Variants in ADAMTSL3 observed in about 807,000 individuals in gnomAD.
ADAMTSL3 encodes ADAMTS-like protein 3.
ADAMTSL3 carries 128 observed loss-of-function variants against 201.7 expected under a neutral mutation model. That is an observed-to-expected ratio of 0.63 (90% confidence interval 0.55 to 0.73). The LOEUF (loss-of-function observed/expected upper bound fraction) is 0.73, where lower values mean the gene tolerates loss of function less well. Ranked by LOEUF, ADAMTSL3 falls within the 30% of genes least tolerant of loss-of-function variation. ADAMTSL3 has a pLI of 0.00. For missense variants in ADAMTSL3, 1,990 were observed against 2,119.6 expected (o/e 0.94, Z 1.20); for synonymous variants, 738 against 748.4 (o/e 0.99, Z 0.23).
At chr15:83,717,610 T>TA (rs1288639124) in intron 3 of ADAMTSL3, 1 of 152,234 alleles carries the variant, frequency 6.6e-6, no homozygotes, top group Admixed American at 6.5e-5. Context: ...ATACCTATCT[T>TA]ACACATTTGG....
chr15:83,912,636 C>G (rs1401590849), intron 15 of ADAMTSL3, among the ~76,000 whole-genome samples: 1 of 152,128 alleles, frequency 6.6e-6, no homozygotes, highest in Non-Finnish European at 1.5e-5. Flanking sequence ...TTAAGATACC[C>G]TAAAATTTAG....
At chr15:83,964,294 T>A (rs561826492) in intron 19 of ADAMTSL3, among the ~76,000 whole-genome samples, 2 of 152,112 alleles carry the variant, frequency 1.3e-5, no homozygotes, top group Admixed American at 1.3e-4. Context: ...GTTAGAGGAA[T>A]TGCTAACTAG....
At chr15:83,967,102 C>T (rs955470132) in intron 19 of ADAMTSL3, among the ~76,000 whole-genome samples, 4 of 152,126 alleles carry the variant, frequency 2.6e-5, no homozygotes, top group Non-Finnish European at 5.9e-5. Flanking sequence ...GGAAGCATTC[C>T]CTTTGAAAAC....
At chr15:83,711,040 A>G (rs2061926703) in intron 3 of ADAMTSL3, among the ~76,000 whole-genome samples, 1 of 152,228 alleles carries the variant, frequency 6.6e-6, no homozygotes, top group Admixed American at 6.5e-5. Flanking sequence ...TATATTAATA[A>G]TGAAGTCTGT....
At chr15:83,946,991 T>C (rs896610391) in intron 19 of ADAMTSL3, among the ~76,000 whole-genome samples, 32 of 152,312 alleles carry the variant, frequency 2.1e-4, no homozygotes, top group African/African-American at 7.7e-4. Flanking sequence ...CAAAAGCCAT[T>C]GGTGAGGCTT....
At chr15:83,857,682 T>C (rs1341103307) in intron 7 of ADAMTSL3, among the ~76,000 whole-genome samples, 1 of 152,236 alleles carries the variant, frequency 6.6e-6, no homozygotes, top group Non-Finnish European at 1.5e-5. Context: ...TTTGTATTTT[T>C]GTTTATCTAC....
At chr15:84,036,167 CT>C (rs1438308017) in intron 28 of ADAMTSL3, among the ~76,000 whole-genome samples, 1 of 152,102 alleles carries the variant, frequency 6.6e-6, no homozygotes, top group Non-Finnish European at 1.5e-5. Flanking sequence ...TAGCATGTGT[CT>C]TTTCAAAAAT....
At chr15:83,918,546 A>C (rs1356131794) in intron 16 of ADAMTSL3, among the ~76,000 whole-genome samples, 1 of 152,230 alleles carries the variant, frequency 6.6e-6, no homozygotes, top group Non-Finnish European at 1.5e-5. Context: ...GATAATTTCC[A>C]GCAGAAAGAG....
intron 9 of ADAMTSL3, among the ~76,000 whole-genome samples, chr15:83,877,516 A>G (rs1046315245): frequency 3.9e-5 from 6 of 152,222 alleles, no homozygotes; most frequent in African/African-American, 1.2e-4. Flanking sequence ...TAGCATTAAA[A>G]TAAGTCTTGA....
At chr15:83,978,349 A>G (rs184273665) in intron 20 of ADAMTSL3, among the ~76,000 whole-genome samples, 2 of 152,114 alleles carry the variant, frequency 1.3e-5, no homozygotes, top group East Asian at 1.9e-4. Context: ...AGCTCATTTC[A>G]TTTTCTAGAA....
chr15:83,904,548 C>T (rs764001575), intron 15 of ADAMTSL3, among the ~76,000 whole-genome samples: 19 of 152,032 alleles, frequency 1.2e-4, no homozygotes, highest in Non-Finnish European at 2.1e-4. Context: ...ACATAGGGAG[C>T]GGATGTTCAA....
At chr15:83,753,198 A>G (rs1329986070) in intron 3 of ADAMTSL3, among the ~76,000 whole-genome samples, 1 of 152,220 alleles carries the variant, frequency 6.6e-6, no homozygotes, top group African/African-American at 2.4e-5. Flanking sequence ...GCAGTCATCT[A>G]CATGAGGCCA....
At chr15:83,938,494 T>A (rs1200220979) in intron 17 of ADAMTSL3, among the ~76,000 whole-genome samples, 1 of 152,220 alleles carries the variant, frequency 6.6e-6, no homozygotes, top group Non-Finnish European at 1.5e-5. Context: ...AAGGGCAGAT[T>A]TTATGTTATG....
At chr15:83,749,072 A>G (rs941725858) in intron 3 of ADAMTSL3, among the ~76,000 whole-genome samples, 2 of 152,226 alleles carry the variant, frequency 1.3e-5, no homozygotes, top group Admixed American at 6.5e-5. Flanking sequence ...ACAGCCCACA[A>G]GAAACTCTGG....
chr15:83,855,219 G>A (rs996226537), intron 7 of ADAMTSL3, among the ~76,000 whole-genome samples: 2 of 152,152 alleles, frequency 1.3e-5, no homozygotes, highest in Admixed American at 6.6e-5. Flanking sequence ...TCTGGCATAC[G>A]CAGAGCCCCA....
chr15:83,843,789 G>A (rs1218043382), intron 7 of ADAMTSL3, among the ~76,000 whole-genome samples: 4 of 152,058 alleles, frequency 2.6e-5, no homozygotes, highest in African/African-American at 7.2e-5. Flanking sequence ...TTTCCATCAC[G>A]CAGTGAGGCA....
chr15:83,705,784 G>T (rs1056733626), intron 3 of ADAMTSL3, among the ~76,000 whole-genome samples: 7 of 152,166 alleles, frequency 4.6e-5, no homozygotes, highest in African/African-American at 1.4e-4. Context: ...TGGGACTGGG[G>T]TGAAGGTCAG....
At chr15:83,859,367 C>G (rs1044126533) in intron 8 of ADAMTSL3, among the ~76,000 whole-genome samples, 7 of 152,162 alleles carry the variant, frequency 4.6e-5, no homozygotes, top group Admixed American at 1.3e-4. Flanking sequence ...CCAGGTGCCT[C>G]AGGAAGAAAT....
chr15:83,918,236 T>G (rs768863698), intron 16 of ADAMTSL3, among the ~76,000 whole-genome samples: 1 of 152,240 alleles, frequency 6.6e-6, no homozygotes, highest in Non-Finnish European at 1.5e-5. Flanking sequence ...AGAAATCTCT[T>G]TATTGTTTCA....
Sources: gnomAD v4.1 joint callset for allele counts (sites outside exome capture counted in the v4.1 genomes callset) on GRCh38, gnomAD v4.1.1 for gene constraint, MANE v1.5 for transcripts, NCBI Gene and HGNC (gene_info 2026-07-23, HGNC 2026-07-21) for gene names.